The following SMAP2 variants were observed in gnomAD, a reference collection of about 807,000 sequenced individuals.
The protein encoded by SMAP2 is small ArfGAP2.
A neutral mutation model predicts 56.4 loss-of-function variants in SMAP2; 25 were observed. The observed-to-expected ratio is 0.44, with a 90% CI of 0.32 to 0.62. The LOEUF (loss-of-function observed/expected upper bound fraction) is 0.62, where lower values mean the gene tolerates loss of function less well. Ranked by LOEUF, SMAP2 falls within the 20% of genes least tolerant of loss-of-function variation. The pLI is 0.04. For synonymous variants in SMAP2, 157 were observed against 181.7 expected (o/e 0.86, Z 1.09); for missense variants, 388 against 545.6 (o/e 0.71, Z 2.88).
chr1:40,353,355 A>G (rs1445585881), intron 1 of SMAP2, among the ~76,000 whole-genome samples: 1 of 152,150 alleles, frequency 6.6e-6, no homozygotes, highest in Non-Finnish European at 1.5e-5. Context: ...GTGCACCAGA[A>G]TAGTCACCCA....
At chr1:40,346,974 C>A (rs1158071365) in intron 1 of SMAP2, among the ~76,000 whole-genome samples, 3 of 151,974 alleles carry the variant, frequency 2.0e-5, no homozygotes, top group African/African-American at 7.2e-5. Context: ...CTCAACCTCC[C>A]GAAGTGCTGA....
At chr1:40,398,989 T>A (rs758743570) in intron 1 of SMAP2, among the ~76,000 whole-genome samples, 1 of 152,150 alleles carries the variant, frequency 6.6e-6, no homozygotes, top group Non-Finnish European at 1.5e-5. Flanking sequence ...TATGGTATGA[T>A]TTAGAAAAAG....
intron 2 of SMAP2, among the ~76,000 whole-genome samples, chr1:40,407,251 G>T (rs1213799129): frequency 6.6e-6 from 1 of 152,112 alleles, no homozygotes; most frequent in Non-Finnish European, 1.5e-5. Context: ...TTGTAAGGCC[G>T]AGGTGGGTGG....
chr1:40,373,229 G>T (rs368037514), upstream of SMAP2, among the ~76,000 whole-genome samples: 4 of 152,150 alleles, frequency 2.6e-5, no homozygotes, highest in Non-Finnish European at 4.4e-5. Context: ...TTCCAAGTGA[G>T]AGGTGACCAG....
intron 1 of SMAP2, chr1:40,403,638 C>T (rs954742874): frequency 1.0e-6 from 1 of 984,602 alleles, no homozygotes; most frequent in Non-Finnish European, 1.2e-6. Flanking sequence ...TATTCTATAC[C>T]ACATCCTTAT....
rs1324791937 is a variant in SMAP2 at position 40,385,015 on chromosome 1, T to A, written c.103+10792T>A. On this transcript the variant is annotated intron_variant, in intron 1 of 9. Coordinates refer to ENST00000372718, the MANE Select transcript of SMAP2 (RefSeq NM_022733.3). This position sits in a 1 kb window ranked among gnomAD's most constrained non-coding sequence, Gnocchi z 4.5. ...TCCCCACAGGCTTTGTGAATGCCGG[T>A]CCACTGATGGCTGAACTGCAGGTCT... 6.6e-6 allele frequency among the ~76,000 whole-genome samples: 1 copy of A among 152,160 alleles called. No homozygotes were observed. The highest frequency in any genetic ancestry group is 1.5e-5 in the Non-Finnish European group (1 of 68,026).
chr1:40,361,741 C>T (rs539691135), intron 1 of SMAP2, among the ~76,000 whole-genome samples: 44 of 152,256 alleles, frequency 2.9e-4, no homozygotes, highest in Non-Finnish European at 5.3e-4. Context: ...AGAGACTCCT[C>T]TGCTTGAGCA....
Position 40,374,754 on chromosome 1 carries a change from T to G in SMAP2, c.103+531T>G. The G allele has an allele frequency of 6.4e-7, 1 of 1,550,524 alleles. No individual in the cohort carries two copies. The highest frequency in any genetic ancestry group is 8.7e-7 in the Non-Finnish European group (1 of 1,146,982). On this transcript the variant is annotated intron_variant, in intron 1 of 9. Coordinates refer to ENST00000372718, the MANE Select transcript of SMAP2 (RefSeq NM_022733.3). The surrounding 1 kb of genome is among the most constrained non-coding windows in gnomAD (Gnocchi z 5.9). ...CTATTTGGTTAGCAACTCCTGTCAT[T>G]TTGCAGCCTTGCTAAGATCTGACAA...
chr1:40,383,769 G>T (rs1190467336), intron 1 of SMAP2, among the ~76,000 whole-genome samples: 1 of 152,222 alleles, frequency 6.6e-6, no homozygotes, highest in African/African-American at 2.4e-5. Context: ...ATTCTGGGAA[G>T]TCTTAGGTAT....
At chr1:40,383,783 G>T (rs956676467) in intron 1 of SMAP2, among the ~76,000 whole-genome samples, 1 of 152,182 alleles carries the variant, frequency 6.6e-6, no homozygotes, top group Admixed American at 6.5e-5. Flanking sequence ...TAGGTATGGT[G>T]TATCCACATT....
intron 1 of SMAP2, among the ~76,000 whole-genome samples, chr1:40,350,021 T>C (rs1439028158): frequency 6.6e-6 from 1 of 152,112 alleles, no homozygotes; most frequent in Non-Finnish European, 1.5e-5. Flanking sequence ...CTCCCAGGCC[T>C]CCCGGAGGCT....
At chr1:40,379,441 C>A (rs1174337971) in intron 1 of SMAP2, among the ~76,000 whole-genome samples, 2 of 152,078 alleles carry the variant, frequency 1.3e-5, no homozygotes, top group Non-Finnish European at 2.9e-5. Flanking sequence ...ATACACTTTC[C>A]ATGCACATTG....
intron 1 of SMAP2, among the ~76,000 whole-genome samples, chr1:40,382,560 A>T (rs1644608828): frequency 6.6e-6 from 1 of 152,222 alleles, no homozygotes; most frequent in Non-Finnish European, 1.5e-5. Context: ...GTTTAACTAG[A>T]TACTAGCTTT....
Position 40,374,766 on chromosome 1 carries a change from C to T in SMAP2, c.103+543C>T, listed in dbSNP as rs1644526863. 1 of 1,550,524 alleles carries T rather than the reference C, an allele frequency of 6.4e-7. No individual in the cohort carries two copies. The highest frequency in any genetic ancestry group is 8.7e-7 in the Non-Finnish European group (1 of 1,146,962). On this transcript the variant is annotated intron_variant, in intron 1 of 9. Transcript: ENST00000372718. The surrounding 1 kb of genome is among the most constrained non-coding windows in gnomAD (Gnocchi z 5.9). ...CAACTCCTGTCATTTTGCAGCCTTG[C>T]TAAGATCTGACAAGAGTGCTTAGGT...
At chr1:40,403,412 C>T (rs388250) in intron 1 of SMAP2, among the ~76,000 whole-genome samples, 1 of 152,264 alleles carries the variant, frequency 6.6e-6, no homozygotes, top group African/African-American at 2.4e-5. Flanking sequence ...AGCTGAGGCA[C>T]GAGAGTTGCT....
At chr1:40,412,820 C>T (rs192186601) in intron 4 of SMAP2, among the ~76,000 whole-genome samples, 196 bp from the exon 5 acceptor site, 46 of 152,278 alleles carry the variant, frequency 3.0e-4, no homozygotes, top group Non-Finnish European at 2.8e-4. Context: ...GAAGACGCCT[C>T]GTACAGCATT....
chr1:40,387,106 G>A (rs559638048), intron 1 of SMAP2, among the ~76,000 whole-genome samples: 2 of 152,258 alleles, frequency 1.3e-5, no homozygotes. Context: ...GCCTGCCTCG[G>A]CCTGCCGGAG....
At position 40,353,010 on chromosome 1, in the gene SMAP2, C is replaced by T. The variant is rs371919523; in HGVS notation, c.-83+8100C>T. The stretch of plus-strand genomic sequence containing the variant: ...GGCATGACGTTTTCCATGGTCCTGA[C>T]CACCATGGACTCTATGGCAGACATT... On this transcript the variant is annotated intron_variant, in intron 1 of 6. Coordinates refer to the SMAP2 transcript ENST00000435168. 5.3e-5 allele frequency among the ~76,000 whole-genome samples: 8 copies of T among 152,178 alleles called. No homozygotes were observed. The East Asian group carries it at 9.6e-4, about 18-fold the overall frequency.
intron 2 of SMAP2, 121 bp downstream of exon 2, chr1:40,406,990 T>A (rs1333663370): frequency 7.9e-6 from 8 of 1,018,736 alleles, no homozygotes; most frequent in Non-Finnish European, 9.9e-6. Context: ...GTTAAACACT[T>A]AACATCAGAT....
Sources: gnomAD v4.1 joint callset for allele counts (sites outside exome capture counted in the v4.1 genomes callset) on GRCh38, gnomAD v4.1.1 for gene constraint, Gnocchi (gnomAD v3.1) non-coding constraint, MANE v1.5 for transcripts, NCBI Gene and HGNC (gene_info 2026-07-23, HGNC 2026-07-21) for gene names.